Variants in ARHGEF11 observed in about 807,000 individuals in gnomAD.
ARHGEF11 encodes the protein Rho guanine nucleotide exchange factor 11, also known as Rho guanine exchange factor (GEF) 11.
Under a neutral mutation model 193.7 loss-of-function variants are expected in ARHGEF11, and 55 were observed. That is an observed-to-expected ratio of 0.28 (90% CI 0.23 to 0.36). The LOEUF (loss-of-function observed/expected upper bound fraction) is 0.36. Among genes scored for constraint, ARHGEF11 ranks in the 10% least tolerant of loss-of-function variants. ARHGEF11 has a pLI of 1.00. For synonymous variants in ARHGEF11, 693 were observed against 768.0 expected (o/e 0.90, Z 1.62); for missense variants, 1,723 against 2,005.6 (o/e 0.86, Z 2.69).
Position 156,971,959 on chromosome 1 carries a change from G to A in ARHGEF11, c.583-143C>T, listed in dbSNP as rs1662552036. ...AAGAGGTCTCTGCCTCCAAGTAGAT[G>A]CACGGTATTTCAACATCATTCAGGA... On this transcript the variant is annotated intron_variant, in intron 7 of 40. Coordinates refer to ENST00000368194, the MANE Select transcript of ARHGEF11 (RefSeq NM_198236.3). The A allele has an allele frequency of 4.1e-6, 4 of 974,726 alleles. No homozygotes were observed. The East Asian group carries it at 1.0e-4, about 25-fold the overall frequency. The allele number at this position is 974,726 out of a possible 1,614,324, so 60.4% of individuals were successfully genotyped here.
intron 26 of ARHGEF11, 49 bp downstream of exon 26, chr1:156,947,255 A>T: frequency 6.4e-7 from 1 of 1,563,336 alleles, no homozygotes; most frequent in South Asian, 1.2e-5. Flanking sequence ...GTGGAACAGG[A>T]AGCTGAAGGG....
intron 1 of ARHGEF11, among the ~76,000 whole-genome samples, chr1:156,988,541 C>T (rs1220143542): frequency 6.6e-6 from 1 of 152,134 alleles, no homozygotes; most frequent in African/African-American, 2.4e-5. Flanking sequence ...GTTTCCTATG[C>T]CCATATTAAA....
At chr1:157,022,375 C>T (rs1031682515) in intron 1 of ARHGEF11, among the ~76,000 whole-genome samples, 2 of 152,138 alleles carry the variant, frequency 1.3e-5, no homozygotes, top group South Asian at 2.1e-4. Flanking sequence ...TATTTCTATA[C>T]ATTAGCAATA....
chr1:156,968,743 C>T (rs1454016873), intron 10 of ARHGEF11, among the ~76,000 whole-genome samples: 1 of 152,166 alleles, frequency 6.6e-6, no homozygotes, highest in Non-Finnish European at 1.5e-5. Flanking sequence ...TTTGTATTGC[C>T]GTTCATAGTT....
intron 1 of ARHGEF11, among the ~76,000 whole-genome samples, chr1:157,012,437 C>T (rs1668653074): frequency 6.6e-6 from 1 of 152,106 alleles, no homozygotes; most frequent in Non-Finnish European, 1.5e-5. Flanking sequence ...TACTAAAAAT[C>T]ACTTAACCAT....
At chr1:157,023,967 C>T (rs1172859772) in intron 1 of ARHGEF11, among the ~76,000 whole-genome samples, 1 of 152,070 alleles carries the variant, frequency 6.6e-6, no homozygotes, top group Non-Finnish European at 1.5e-5. Context: ...AAAACATATG[C>T]CCACATAAAA....
Position 156,936,767 on chromosome 1 carries a change from A to C in ARHGEF11, c.4630+49T>G, listed in dbSNP as rs1263161263. 5 of 1,575,118 alleles carry C rather than the reference A, an allele frequency of 3.2e-6. No individual in the cohort carries two copies. In the Admixed American group the frequency reaches 8.8e-5, roughly 28 times the overall value. On this transcript the variant is annotated intron_variant, in intron 40 of 40. Transcript: ENST00000368194. Reference sequence around the variant, plus strand: ...TAGTGATGTGTCCTCACGAGTTGGCAGACTTCTCCCCCAATGGTAGGAACC... The same window carrying C: ...TAGTGATGTGTCCTCACGAGTTGGCCGACTTCTCCCCCAATGGTAGGAACC...
intron 1 of ARHGEF11, among the ~76,000 whole-genome samples, chr1:156,988,072 A>G (rs1198852553): frequency 2.0e-5 from 3 of 152,198 alleles, no homozygotes; most frequent in African/African-American, 7.2e-5. Flanking sequence ...TCGCCACAGC[A>G]TCTAACAGGA....
In ARHGEF11 at chr1:157,022,173, G is replaced by C. The variant is rs773057866; in HGVS notation, c.32+22126C>G. Among the ~76,000 whole-genome samples the C allele has an allele frequency of 2.0e-5, 3 of 152,192 alleles. No individual in the cohort carries two copies. In the South Asian group the frequency reaches 6.2e-4, roughly 32 times the overall value. On this transcript the variant is annotated intron_variant, in intron 1 of 40. Coordinates refer to ENST00000368194, the MANE Select transcript of ARHGEF11 (RefSeq NM_198236.3). ...CACTACTTCTGTGCAACAATGTGCT[G>C]AGTCTAGCTAGGGAAATTAGACAAG...
chr1:156,944,905 C>T (rs1657831996), intron 30 of ARHGEF11, 114 bp downstream of exon 30: 7 of 1,374,302 alleles, frequency 5.1e-6, no homozygotes, highest in Admixed American at 2.2e-5. Context: ...ATTGTGCCAC[C>T]CTATCTGGTC....
chr1:156,993,829 T>A (rs1234345602), intron 1 of ARHGEF11, among the ~76,000 whole-genome samples: 4 of 152,182 alleles, frequency 2.6e-5, no homozygotes, highest in South Asian at 2.1e-4. Flanking sequence ...CCGCTGCTGA[T>A]CTATAAGCAT....
In ARHGEF11 at chr1:156,939,627, C is replaced by G. The variant is rs751773190; in HGVS notation, c.4017G>C (p.Glu1339Asp). 6 of 1,613,762 alleles carry G rather than the reference C, an allele frequency of 3.7e-6. No individual in the cohort carries two copies. In the Admixed American group the frequency reaches 1.0e-4, roughly 27 times the overall value. The change falls in exon 37 of 41, where the codon GAG (glutamate) becomes GAC (aspartate). Residue 1339 changes from glutamate to aspartate, a missense_variant. Glu to Asp is a conservative substitution (Grantham distance 45). This residue lies in a region of ARHGEF11 where 360 missense variants were observed against 344.4 expected (regional missense o/e 1.05). Coordinates refer to ENST00000368194, the MANE Select transcript of ARHGEF11 (RefSeq NM_198236.3). ...PPRTRNSGIW[E>D]SPELDRNLAE... ...CCAGATTCCTGTCCAGTTCTGGAGA[C>G]TCCCATATCCCAGAATTTCTGGTCC...
chr1:157,046,051 C>A (rs1043818948), upstream of ARHGEF11, among the ~76,000 whole-genome samples: 1 of 151,274 alleles, frequency 6.6e-6, no homozygotes, highest in African/African-American at 2.4e-5. Flanking sequence ...GGCCTCCCTG[C>A]GCGCCCTGCC....
rs1657579400 is a variant in ARHGEF11 at position 156,943,836 on chromosome 1, G to A, written c.3235+99C>T. ...GGAGGAAAGGAACACAGGTGGACAGGTAGGTCCTGTAAAGGCTCCAGACTG... is the reference window on the plus strand; with the variant it reads ...GGAGGAAAGGAACACAGGTGGACAGATAGGTCCTGTAAAGGCTCCAGACTG... On this transcript the variant is annotated intron_variant, in intron 32 of 40. Transcript: ENST00000368194. 1.6e-5 allele frequency: 22 copies of A among 1,410,738 alleles called. No individual in the cohort carries two copies. In the South Asian group the frequency reaches 2.6e-4, roughly 17 times the overall value. The allele number at this position is 1,410,738 out of a possible 1,614,324, so 87.4% of individuals were successfully genotyped here. A position where few individuals can be genotyped will look rare whatever the true frequency, so the allele number is the denominator to read the frequency against.
At position 156,956,527 on chromosome 1, in the gene ARHGEF11, G is replaced by A. The variant is rs1659976361; in HGVS notation, c.1564C>T (p.His522Tyr). Residue 522 changes from histidine to tyrosine, a missense_variant, in exon 19 of 41, where the codon CAT becomes TAT. By Grantham distance (83) the His-to-Tyr change is moderately conservative. Coordinates refer to ENST00000368194, the MANE Select transcript of ARHGEF11 (RefSeq NM_198236.3). ...GCCTCTCGAAGACGGATCCCAGCATGGCTCATGTAGGTATTGAGGGCGAAG... is the reference window on the plus strand; with the variant it reads ...GCCTCTCGAAGACGGATCCCAGCATAGCTCATGTAGGTATTGAGGGCGAAG... Reference protein sequence around the residue: ...MDFALNTYMSHAGIRLREARP... With the variant: ...MDFALNTYMSYAGIRLREARP... 3 of 1,614,010 alleles carry A rather than the reference G, an allele frequency of 1.9e-6. No individual in the cohort carries two copies. The South Asian group carries it at 3.3e-5, about 18-fold the overall frequency.
chr1:156,956,227 G>A (rs765705918), intron 19 of ARHGEF11, among the ~76,000 whole-genome samples, 193 bp downstream of exon 19: 3 of 151,904 alleles, frequency 2.0e-5, no homozygotes, highest in Non-Finnish European at 4.4e-5. Context: ...AGCAATACTC[G>A]TGCCTCAGCC....
intron 15 of ARHGEF11, among the ~76,000 whole-genome samples, chr1:156,960,056 C>A (rs1350694881): frequency 6.6e-6 from 1 of 151,482 alleles, no homozygotes; most frequent in Admixed American, 6.6e-5. Context: ...GACAATCAAC[C>A]TGGCTGAGGA....
intron 4 of ARHGEF11, 95 bp downstream of exon 4, chr1:156,980,342 T>C: frequency 6.8e-7 from 1 of 1,461,748 alleles, no homozygotes; most frequent in Non-Finnish European, 9.4e-7. Context: ...GCAGTTGGTA[T>C]CAAGATGAAA....
chr1:157,024,278 G>A (rs1670372092), intron 1 of ARHGEF11, among the ~76,000 whole-genome samples: 1 of 152,156 alleles, frequency 6.6e-6, no homozygotes, highest in South Asian at 2.1e-4. Flanking sequence ...GGGACTGTAG[G>A]GAGCGGGAAT....
Sources: gnomAD v4.1 joint callset for allele counts (sites outside exome capture counted in the v4.1 genomes callset) on GRCh38, gnomAD v4.1.1 for gene constraint, gnomAD v4.1.1 regional missense constraint, MANE v1.5 for transcripts, NCBI Gene and HGNC (gene_info 2026-07-23, HGNC 2026-07-21) for gene names.